Variants in ACSF2 observed in about 807,000 individuals in gnomAD.
The protein encoded by ACSF2 is acyl-CoA synthetase family member 2.
In ACSF2, 52 loss-of-function variants were observed where a neutral mutation model predicts 79.3. That is an observed-to-expected ratio of 0.66 (90% CI 0.53 to 0.83). ACSF2 has a LOEUF of 0.83. ACSF2 is among the 40% of genes least tolerant of loss of function. The pLI is 0.00. For synonymous variants in ACSF2, 283 were observed against 312.6 expected (o/e 0.91, Z 1.00); for missense variants, 661 against 803.3 (o/e 0.82, Z 2.14).
chr17:50,462,237 C>A lies in ACSF2; in HGVS notation c.561C>A (p.Tyr187Ter). The A allele has an allele frequency of 6.2e-7, 1 of 1,614,104 alleles. No individual in the cohort carries two copies. The highest frequency in any genetic ancestry group is 1.3e-5 in the African/African-American group (1 of 75,040). Residue 187 changes from tyrosine to a stop codon, truncating the protein, a stop_gained, in exon 5 of 16, where the codon TAC (tyrosine) becomes TAA (stop). Coordinates refer to ENST00000300441, the MANE Select transcript of ACSF2 (RefSeq NM_025149.6). LOFTEE classifies it high-confidence loss of function. ...FPKQFKTQQY[Y>*]NVLKQICPEV... ...AGCAATTCAAGACCCAGCAATACTA[C>A]AACGTCCTGAAGCAGATCTGTCCAG...
chr17:50,426,365 G>A lies in ACSF2; in HGVS notation c.104G>A (p.Arg35Lys), dbSNP rs1000880439. ...AALSRSWQEA[R>K]LQGVRFLSSR... ...CTCTCTCGGAGTTGGCAGGAAGCCA[G>A]GTTGCAGGGTGTCCGCTTCCTCAGG... Residue 35 changes from arginine to lysine, a missense_variant, in exon 1 of 16, where the codon AGG (arginine) becomes AAG (lysine). Coordinates refer to ENST00000300441, the MANE Select transcript of ACSF2 (RefSeq NM_025149.6). The A allele has an allele frequency of 2.1e-6, 3 of 1,404,792 alleles. No homozygotes were observed. Among genetic ancestry groups the A allele is most frequent in the Non-Finnish European group, 2.8e-6 (3 of 1,072,368 alleles). The allele number at this position is 1,404,792 out of a possible 1,614,324, so 87.0% of individuals were successfully genotyped here. A position where few individuals can be genotyped will look rare whatever the true frequency, so the allele number is the denominator to read the frequency against.
In ACSF2 at chr17:50,471,371, G is replaced by C; in HGVS notation, c.1323+236G>C. 1 of 527,464 alleles carries C rather than the reference G, an allele frequency of 1.9e-6. No individual in the cohort carries two copies. The highest frequency in any genetic ancestry group is 3.4e-6 in the Non-Finnish European group (1 of 290,352). 32.7% of individuals were successfully genotyped at this position (527,464 alleles called of 1,614,324 possible). On this transcript the variant is annotated intron_variant, in intron 11 of 15. Transcript: ENST00000300441. The surrounding 1 kb of genome is among the most constrained non-coding windows in gnomAD (Gnocchi z 4.1). ...CGGCTGCCAGCTGAACTTCTCCGCG[G>C]CCTCCCTTCCTGTCTGAGGTGTGTT...
At chr17:50,469,129 C>G in intron 10 of ACSF2, 1 of 746,736 alleles carries the variant, frequency 1.3e-6, no homozygotes, top group Non-Finnish European at 1.6e-6. Flanking sequence ...TCCTATGGTG[C>G]TCCTCTGCCT....
At chr17:50,468,670 C>T (rs1271923320) in intron 10 of ACSF2, 1 of 1,614,018 alleles carries the variant, frequency 6.2e-7, no homozygotes, top group African/African-American at 1.3e-5. Context: ...TCTCTGACAC[C>T]TTGGGGATCT....
At chr17:50,435,541 C>T (rs906813891) in intron 1 of ACSF2, among the ~76,000 whole-genome samples, 7 of 151,312 alleles carry the variant, frequency 4.6e-5, no homozygotes, top group African/African-American at 9.7e-5. Flanking sequence ...CTTCCAAGTA[C>T]GTAGGACTAT....
chr17:50,426,380 G>A lies in ACSF2; in HGVS notation c.119G>A (p.Arg40His). The A allele has an allele frequency of 1.5e-6, 2 of 1,370,604 alleles. No individual in the cohort carries two copies. Among genetic ancestry groups the A allele is most frequent in the Non-Finnish European group, 1.9e-6 (2 of 1,054,574 alleles). 84.9% of individuals were successfully genotyped at this position (1,370,604 alleles called of 1,614,324 possible). The change falls in exon 1 of 16, where the codon CGC becomes CAC. Residue 40 changes from arginine to histidine, a missense_variant. Coordinates refer to ENST00000300441, the MANE Select transcript of ACSF2 (RefSeq NM_025149.6). ...SWQEARLQGV[R>H]FLSSREVDRM... ...CAGGAAGCCAGGTTGCAGGGTGTCC[G>A]CTTCCTCAGGTACTGGCCCCCCGCG...
At chr17:50,456,097 G>A (rs1356492962) in intron 1 of ACSF2, among the ~76,000 whole-genome samples, 2 of 152,190 alleles carry the variant, frequency 1.3e-5, no homozygotes, top group South Asian at 2.1e-4. Context: ...GCTGCAGAAT[G>A]AGCTGTGGAG....
At position 50,432,924 on chromosome 17, in the gene ACSF2, A is replaced by C. The variant is rs147789443; in HGVS notation, c.128+6535A>C. 7.1e-3 allele frequency among the ~76,000 whole-genome samples: 1,086 copies of C among 152,248 alleles called. 54 individuals carry two copies. Among genetic ancestry groups the C allele is most frequent in the Admixed American group, 0.064 (977 of 15,290 alleles). On this transcript the variant is annotated intron_variant, in intron 1 of 15. Transcript: ENST00000300441. The stretch of plus-strand genomic sequence containing the variant: ...TTGAGCCTGATCCCTAAACCCAATA[A>C]GGCTGTGATTTGAAGTATGCAGCCT...
chr17:50,462,264 A>G lies in ACSF2; in HGVS notation c.588A>G (p.Glu196=). The G allele has an allele frequency of 6.2e-7, 1 of 1,614,076 alleles. No individual in the cohort carries two copies. Among genetic ancestry groups the G allele is most frequent in the Non-Finnish European group, 8.5e-7 (1 of 1,180,006 alleles). ...YYNVLKQICP[E]VENAQPGALK... ...ACGTCCTGAAGCAGATCTGTCCAGA[A>G]GTGGAGAATGCCCAGCCAGGGGCCT... The change falls in exon 5 of 16, where the codon GAA becomes GAG. Residue 196 remains glutamate (E), a synonymous_variant. Coordinates refer to ENST00000300441, the MANE Select transcript of ACSF2 (RefSeq NM_025149.6).
rs76561210 is a variant in ACSF2 at position 50,435,627 on chromosome 17, G to A, written c.128+9238G>A. ...GGATGGCACTGTGTTGCCTAGGCTG[G>A]TCTCCAACTCCTGTGCTCAAGTGAT... On this transcript the variant is annotated intron_variant, in intron 1 of 15. Transcript: ENST00000300441. Among the ~76,000 whole-genome samples, 1,473 of 152,048 alleles carry A rather than the reference G, an allele frequency of 9.7e-3. 16 individuals carry two copies. The highest frequency in any genetic ancestry group is 0.014 in the Non-Finnish European group (970 of 67,980).
intron 10 of ACSF2, chr17:50,468,886 C>T (rs2032941630): frequency 7.0e-7 from 1 of 1,437,946 alleles, no homozygotes; most frequent in South Asian, 1.5e-5. Context: ...GTCCTAGGCG[C>T]TCGGGTCTGC....
chr17:50,438,712 G>A (rs531245790), intron 1 of ACSF2, among the ~76,000 whole-genome samples: 5 of 152,076 alleles, frequency 3.3e-5, no homozygotes, highest in South Asian at 2.1e-4. Flanking sequence ...GATTATAGGC[G>A]TCTGCCACCA....
chr17:50,467,240 C>T (rs145753088), intron 10 of ACSF2, among the ~76,000 whole-genome samples: 136 of 152,296 alleles, frequency 8.9e-4, no homozygotes, highest in African/African-American at 3.1e-3. Flanking sequence ...GGTCTAGTGA[C>T]GGAGGAGGGC....
At chr17:50,466,005 C>A in intron 10 of ACSF2, 1 of 858,762 alleles carries the variant, frequency 1.2e-6, no homozygotes, top group Non-Finnish European at 1.8e-6. Flanking sequence ...GTTTTCAAAG[C>A]AGTATGACCA....
rs147280032 is a variant in ACSF2 at position 50,462,487 on chromosome 17, G to A, written c.694G>A (p.Val232Met). The change falls in exon 6 of 16, where the codon GTG becomes ATG. Residue 232 changes from valine (V) to methionine (M), a missense_variant. By Grantham distance (21) the Val-to-Met change is conservative. Transcript: ENST00000300441. ...GCCGGGGACCCTGCTCCTGGATGAA[G>A]TGGTGGCGGCTGGCAGCACACGGCA... The part of the protein sequence containing the change: ...PLPGTLLLDE[V>M]VAAGSTRQHL... The A allele has an allele frequency of 3.7e-4, 604 of 1,613,818 alleles. 1 individual carries two copies. The highest frequency in any genetic ancestry group is 4.9e-4 in the Non-Finnish European group (573 of 1,179,986).
At chr17:50,462,160 A>G in intron 4 of ACSF2, 24 bp from the exon 5 acceptor site, 1 of 1,605,390 alleles carries the variant, frequency 6.2e-7, no homozygotes, top group South Asian at 1.1e-5. Context: ...CGCTGACTGG[A>G]GGTGGGGGAC....
Position 50,464,227 on chromosome 17 carries a change from C to G in ACSF2, c.1148C>G (p.Ala383Gly), listed in dbSNP as rs373172187. Residue 383 changes from alanine to glycine, a missense_variant, in exon 10 of 16, where the codon GCT (alanine) becomes GGT (glycine). Ala to Gly is a moderately conservative substitution (Grantham distance 60, BLOSUM62 0). Transcript: ENST00000300441. ...DISTMCGGVI[A>G]GSPAPPELIR... The stretch of plus-strand genomic sequence containing the variant: ...CCTCTCTCTGATTCAGGTGTCATTG[C>G]TGGGTCCCCTGCACCTCCAGAGTTG... The G allele has an allele frequency of 6.2e-6, 10 of 1,614,144 alleles. No individual in the cohort carries two copies. The highest frequency in any genetic ancestry group is 8.5e-6 in the Non-Finnish European group (10 of 1,180,024).
At chr17:50,434,614 G>A (rs2030230915) in intron 1 of ACSF2, among the ~76,000 whole-genome samples, 1 of 152,016 alleles carries the variant, frequency 6.6e-6, no homozygotes, top group African/African-American at 2.4e-5. Flanking sequence ...TGAACCCAGT[G>A]GGTGGAGGTT....
Position 50,471,339 on chromosome 17 carries a change from C to T in ACSF2, c.1323+204C>T, listed in dbSNP as rs1026576881. ...GAAAGGGGAAGAGCTGGAACAGTGG[C>T]TGTGAGCGGCTGCCAGCTGAACTTC... On this transcript the variant is annotated intron_variant, in intron 11 of 15. Coordinates refer to ENST00000300441, the MANE Select transcript of ACSF2 (RefSeq NM_025149.6). This position sits in a 1 kb window ranked among gnomAD's most constrained non-coding sequence, Gnocchi z 4.1. 1 of 553,318 alleles carries T rather than the reference C, an allele frequency of 1.8e-6. No homozygotes were observed. The allele number at this position is 553,318 out of a possible 1,614,324, so 34.3% of individuals were successfully genotyped here. A position where few individuals can be genotyped will look rare whatever the true frequency, so the allele number is the denominator to read the frequency against.
Sources: gnomAD v4.1 joint callset for allele counts (sites outside exome capture counted in the v4.1 genomes callset) on GRCh38, gnomAD v4.1.1 for gene constraint, Gnocchi (gnomAD v3.1) non-coding constraint, MANE v1.5 for transcripts, NCBI Gene and HGNC (gene_info 2026-07-23, HGNC 2026-07-21) for gene names.